CNTN3: variants seen among roughly 807,000 people sequenced by gnomAD.
CNTN3 encodes contactin-3.
A neutral mutation model predicts 119.1 loss-of-function variants in CNTN3; 60 were observed. That is an observed-to-expected ratio of 0.50 (90% confidence interval 0.41 to 0.62). The LOEUF (loss-of-function observed/expected upper bound fraction) is 0.62. CNTN3 is among the 20% of genes least tolerant of loss of function. CNTN3 has a pLI of 0.00. For synonymous variants in CNTN3, 450 were observed against 438.7 expected (o/e 1.03, Z -0.32); for missense variants, 1,101 against 1,242.4 (o/e 0.89, Z 1.71).
At chr3:74,573,209 AC>A (rs1704362175) in intron 1 of CNTN3, among the ~76,000 whole-genome samples, 1 of 151,926 alleles carries the variant, frequency 6.6e-6, no homozygotes. Context: ...GATCTAGGAC[AC>A]CCCAGGCCTC....
intron 1 of CNTN3, among the ~76,000 whole-genome samples, chr3:74,604,038 C>T (rs572528095): frequency 2.0e-5 from 3 of 152,188 alleles, no homozygotes; most frequent in South Asian, 4.1e-4. Flanking sequence ...CTGATTTTGA[C>T]AAAATTGCCA....
At chr3:74,309,216 C>T (rs1159592877) in intron 13 of CNTN3, among the ~76,000 whole-genome samples, 2 of 151,902 alleles carry the variant, frequency 1.3e-5, no homozygotes, top group Non-Finnish European at 2.9e-5. Context: ...GTGATCCTTC[C>T]ACGTCAGCTT....
chr3:74,375,009 A>G (rs2106798394), intron 5 of CNTN3, among the ~76,000 whole-genome samples: 1 of 152,292 alleles, frequency 6.6e-6, no homozygotes, highest in Non-Finnish European at 1.5e-5. Flanking sequence ...ATTTTAAAAA[A>G]TGGTTTTATA....
chr3:74,311,215 C>G (rs1461694678), intron 13 of CNTN3, among the ~76,000 whole-genome samples: 2 of 152,156 alleles, frequency 1.3e-5, no homozygotes, highest in African/African-American at 4.8e-5. Context: ...AGAGATCACA[C>G]TATTTTTATT....
chr3:74,339,496 A>G (rs923565667), intron 11 of CNTN3, among the ~76,000 whole-genome samples: 1 of 152,022 alleles, frequency 6.6e-6, no homozygotes, highest in Admixed American at 6.6e-5. Context: ...TGAAACCATG[A>G]GTTAGATTCG....
At chr3:74,560,453 A>G (rs1255638879) in intron 1 of CNTN3, among the ~76,000 whole-genome samples, 1 of 152,214 alleles carries the variant, frequency 6.6e-6, no homozygotes, top group Non-Finnish European at 1.5e-5. Context: ...AATATATAAT[A>G]AAAATGACAA....
chr3:74,345,023 C>T lies in CNTN3; in HGVS notation c.1365-8365G>A, dbSNP rs112790626. Among the ~76,000 whole-genome samples the T allele has an allele frequency of 5.3e-3, 813 of 152,238 alleles. 5 individuals are homozygous for T. Among genetic ancestry groups the T allele is most frequent in the African/African-American group, 0.019 (785 of 41,550 alleles). ...AGAAGTAGGTTTGCAACCCCTTTGT[C>T]TTAGCTGCTTCAGTGCTAGCCTTTC... is the stretch of plus-strand genomic sequence containing the variant. On this transcript the variant is annotated intron_variant, in intron 11 of 22. Coordinates refer to ENST00000263665, the MANE Select transcript of CNTN3 (RefSeq NM_020872.3).
chr3:74,562,797 T>C (rs564514965), intron 1 of CNTN3, among the ~76,000 whole-genome samples: 2 of 151,930 alleles, frequency 1.3e-5, no homozygotes, highest in South Asian at 4.2e-4. Context: ...TCCAATCCTT[T>C]CCTTCAACTA....
At chr3:74,581,721 C>G (rs997068568) in intron 1 of CNTN3, among the ~76,000 whole-genome samples, 1 of 152,014 alleles carries the variant, frequency 6.6e-6, no homozygotes, top group African/African-American at 2.4e-5. Context: ...TTTCTACCTA[C>G]GACAATTTAG....
chr3:74,298,503 T>C (rs1702386902), intron 17 of CNTN3, among the ~76,000 whole-genome samples: 1 of 152,110 alleles, frequency 6.6e-6, no homozygotes, highest in South Asian at 2.1e-4. Context: ...GTTGAAAATA[T>C]CTGATCTCTT....
chr3:74,316,389 G>C (rs113789865), intron 13 of CNTN3, among the ~76,000 whole-genome samples: 6,610 of 152,262 alleles, frequency 0.043, 197 homozygotes, highest in Middle Eastern at 0.099. Context: ...CTGTTGGTGG[G>C]AATGTAAATT....
chr3:74,362,107 T>A, intron 10 of CNTN3, 67 bp from the exon 11 acceptor site: 1 of 1,569,026 alleles, frequency 6.4e-7, no homozygotes, highest in Non-Finnish European at 8.7e-7. Context: ...ATTTCAAAGG[T>A]CCACTTTTAC....
At chr3:74,424,270 C>A (rs1314873519) in intron 5 of CNTN3, among the ~76,000 whole-genome samples, 1 of 152,018 alleles carries the variant, frequency 6.6e-6, no homozygotes, top group Non-Finnish European at 1.5e-5. Flanking sequence ...GGGTCACTAT[C>A]TTGGTAAGGT....
intron 1 of CNTN3, among the ~76,000 whole-genome samples, chr3:74,553,744 C>T (rs1704028562): frequency 6.6e-6 from 1 of 152,104 alleles, no homozygotes; most frequent in South Asian, 2.1e-4. Flanking sequence ...ATGTCCTTTG[C>T]CCATTTTTTG....
intron 5 of CNTN3, among the ~76,000 whole-genome samples, chr3:74,407,265 T>TTTC (rs10662642): frequency 7.0e-5 from 1 of 14,286 alleles, no homozygotes; most frequent in Non-Finnish European, 2.6e-4. Context: ...AAATATTCTA[T>TTTC]TTTTTTTTTT....
chr3:74,361,756 A>T, intron 11 of CNTN3, 134 bp downstream of exon 11: 1 of 862,494 alleles, frequency 1.2e-6, no homozygotes, highest in Non-Finnish European at 1.7e-6. Flanking sequence ...CAAAAATACT[A>T]CTATTTTAGT....
At chr3:74,442,652 T>A (rs1701986293) in intron 4 of CNTN3, among the ~76,000 whole-genome samples, 2 of 152,170 alleles carry the variant, frequency 1.3e-5, no homozygotes, top group African/African-American at 4.8e-5. Flanking sequence ...CTGGCTAACA[T>A]ACAAGCCTGT....
chr3:74,274,416 C>G (rs1701841091), intron 20 of CNTN3, among the ~76,000 whole-genome samples: 1 of 152,138 alleles, frequency 6.6e-6, no homozygotes, highest in South Asian at 2.1e-4. Flanking sequence ...GCCCCGCCAC[C>G]TCCACTGGAA....
intron 1 of CNTN3, among the ~76,000 whole-genome samples, chr3:74,600,700 C>A (rs1704895908): frequency 6.6e-6 from 1 of 152,056 alleles, no homozygotes; most frequent in Non-Finnish European, 1.5e-5. Flanking sequence ...GTAGTCAACA[C>A]TACCCAAATC....
Sources: gnomAD v4.1 joint callset for allele counts (sites outside exome capture counted in the v4.1 genomes callset) on GRCh38, gnomAD v4.1.1 for gene constraint, MANE v1.5 for transcripts, NCBI Gene and HGNC (gene_info 2026-07-23, HGNC 2026-07-21) for gene names.